Variants in APBB2 observed in about 807,000 individuals in gnomAD.
APBB2 encodes the protein amyloid beta precursor protein binding family B member 2.
In APBB2, 38 loss-of-function variants were observed where a neutral mutation model predicts 82.5. That is an observed-to-expected ratio of 0.46 (90% CI 0.36 to 0.60). The LOEUF (loss-of-function observed/expected upper bound fraction) is 0.60. APBB2 is among the 20% of genes least tolerant of loss of function. APBB2 has a pLI of 0.00. For missense variants in APBB2, 772 were observed against 972.3 expected (o/e 0.79, Z 2.74); for synonymous variants, 341 against 368.2 (o/e 0.93, Z 0.85).
At chr4:40,986,792 G>C (rs1800526079) in intron 6 of APBB2, among the ~76,000 whole-genome samples, 1 of 152,154 alleles carries the variant, frequency 6.6e-6, no homozygotes, top group South Asian at 2.1e-4. Context: ...CATTCAAAAA[G>C]ATCTTTATTT....
intron 1 of APBB2, among the ~76,000 whole-genome samples, chr4:41,179,677 A>G (rs558610344): frequency 1.4e-4 from 21 of 152,230 alleles, no homozygotes; most frequent in Non-Finnish European, 1.6e-4. Flanking sequence ...GGTACAAGAA[A>G]TGTAATGCAG....
intron 12 of APBB2, among the ~76,000 whole-genome samples, chr4:40,847,132 AG>A (rs1757912422): frequency 6.6e-6 from 1 of 152,194 alleles, no homozygotes; most frequent in African/African-American, 2.4e-5. Flanking sequence ...ACCATGGGTT[AG>A]CTTCCTTTCT....
intron 1 of APBB2, among the ~76,000 whole-genome samples, chr4:41,195,182 C>T: frequency 1.3e-5 from 2 of 152,094 alleles, no homozygotes; most frequent in African/African-American, 2.4e-5. Context: ...CTGCCCTAAG[C>T]TCTAAACTCG....
At chr4:41,032,870 C>T (rs189988929) in intron 5 of APBB2, among the ~76,000 whole-genome samples, 11 of 143,508 alleles carry the variant, frequency 7.7e-5, no homozygotes, top group Admixed American at 3.6e-4. Flanking sequence ...CTGCAAGCTC[C>T]GCCTCCCGGG....
At chr4:40,905,926 C>T (rs993685872) in intron 10 of APBB2, among the ~76,000 whole-genome samples, 11 of 151,948 alleles carry the variant, frequency 7.2e-5, no homozygotes, top group African/African-American at 1.5e-4. Context: ...AGTGGGGAAG[C>T]GAGAATGAGT....
intron 1 of APBB2, among the ~76,000 whole-genome samples, chr4:41,152,618 G>A (rs1004864281): frequency 4.6e-5 from 7 of 152,100 alleles, no homozygotes; most frequent in South Asian, 4.1e-4. Flanking sequence ...ATGAGCCACC[G>A]CGCCCGGCCT....
At chr4:40,998,250 T>C (rs978368602) in intron 6 of APBB2, among the ~76,000 whole-genome samples, 5 of 152,252 alleles carry the variant, frequency 3.3e-5, no homozygotes, top group African/African-American at 1.2e-4. Flanking sequence ...ATTTTCATAT[T>C]GCATAATGAA....
At position 41,127,913 on chromosome 4, in the gene APBB2, C is replaced by A. The variant is rs900193071; in HGVS notation, c.-261+15074G>T. On this transcript the variant is annotated intron_variant, in intron 2 of 17. Coordinates refer to ENST00000508593, the MANE Select transcript of APBB2 (RefSeq NM_004307.2). This position sits in a 1 kb window ranked among gnomAD's most constrained non-coding sequence, Gnocchi z 4.8. ...TGGCCAACTTGATGCAACCCCATCT[C>A]TACCAAAAATATAATAATTAGCCAG... Among the ~76,000 whole-genome samples the A allele has an allele frequency of 6.6e-6, 1 of 152,068 alleles. No homozygotes were observed. Among genetic ancestry groups the A allele is most frequent in the African/African-American group, 2.4e-5 (1 of 41,416 alleles).
intron 3 of APBB2, among the ~76,000 whole-genome samples, chr4:41,072,689 A>C (rs937464043): frequency 3.9e-5 from 6 of 152,186 alleles, no homozygotes; most frequent in African/African-American, 1.2e-4. Context: ...AAGCCTAAAA[A>C]ACCTGCCCGG....
rs1168039323 is a variant in APBB2, at chr4:40,974,382, C to A, written c.836-29309G>T. On this transcript the variant is annotated intron_variant, in intron 6 of 17. Coordinates refer to ENST00000508593, the MANE Select transcript of APBB2 (RefSeq NM_004307.2). ...TTTGAGGGTAGGGAGAAATCTTCACCACACTATACTCTCAGGTTTTAGCCC... is the reference window on the plus strand; with the variant it reads ...TTTGAGGGTAGGGAGAAATCTTCACAACACTATACTCTCAGGTTTTAGCCC... 2.6e-5 allele frequency among the ~76,000 whole-genome samples: 4 copies of A among 152,206 alleles called. No individual in the cohort carries two copies. The East Asian group carries it at 7.7e-4, about 29-fold the overall frequency.
chr4:40,969,751 G>A (rs1795507354), intron 6 of APBB2, among the ~76,000 whole-genome samples: 1 of 152,174 alleles, frequency 6.6e-6, no homozygotes, highest in Non-Finnish European at 1.5e-5. Flanking sequence ...TTTAAAGGGA[G>A]AGGACAAGAA....
chr4:41,016,732 T>C (rs1054882342), intron 5 of APBB2, among the ~76,000 whole-genome samples: 3 of 151,800 alleles, frequency 2.0e-5, no homozygotes, highest in Non-Finnish European at 4.4e-5. Context: ...AGGGGCCATG[T>C]AACTCTTCTG....
intron 6 of APBB2, among the ~76,000 whole-genome samples, chr4:40,954,128 A>T (rs544096269): frequency 6.6e-6 from 1 of 152,262 alleles, no homozygotes; most frequent in Admixed American, 6.5e-5. Flanking sequence ...CCCACTTCTA[A>T]TAACCCTCTT....
At chr4:41,007,375 T>A (rs1807050575) in intron 6 of APBB2, among the ~76,000 whole-genome samples, 1 of 151,944 alleles carries the variant, frequency 6.6e-6, no homozygotes, top group Non-Finnish European at 1.5e-5. Context: ...TAAATATATT[T>A]CTGTTCATTA....
At chr4:41,058,872 A>G (rs1215461617) in intron 4 of APBB2, among the ~76,000 whole-genome samples, 3 of 152,232 alleles carry the variant, frequency 2.0e-5, no homozygotes, top group African/African-American at 7.2e-5. Flanking sequence ...GGGAGAGATC[A>G]TTAACAACTA....
chr4:40,907,373 ATATATATTTTTT>A (rs1178052771), intron 10 of APBB2, among the ~76,000 whole-genome samples: 1,020 of 37,182 alleles, frequency 0.027, 4 homozygotes, highest in South Asian at 0.075. Flanking sequence ...ATATATATAT[ATATATATTTTTT>A]TTTTTTTTTT....
intron 2 of APBB2, among the ~76,000 whole-genome samples, chr4:41,122,099 A>AT (rs1459297274): frequency 6.6e-6 from 1 of 151,906 alleles, no homozygotes; most frequent in Admixed American, 6.6e-5. Context: ...AATTTTGTTT[A>AT]TTTTTTGTAC....
intron 1 of APBB2, among the ~76,000 whole-genome samples, chr4:41,156,045 G>A (rs1201184975): frequency 6.6e-6 from 1 of 151,412 alleles, no homozygotes; most frequent in Non-Finnish European, 1.5e-5. Context: ...TATTTTAGTA[G>A]TACATAAGTT....
chr4:40,866,137 A>G (rs1446125240), intron 12 of APBB2, among the ~76,000 whole-genome samples: 1 of 152,238 alleles, frequency 6.6e-6, no homozygotes, highest in Non-Finnish European at 1.5e-5. Context: ...ACTTCTGTTC[A>G]CACAAAAACC....
Sources: allele counts gnomAD v4.1 joint callset (sites outside exome capture counted in the v4.1 genomes callset), GRCh38; gene constraint gnomAD v4.1.1; non-coding constraint Gnocchi (gnomAD v3.1); transcripts MANE v1.5; gene names NCBI Gene and HGNC (gene_info 2026-07-23, HGNC 2026-07-21).